The following BANK1 variants were observed in gnomAD, a reference collection of about 807,000 sequenced individuals.
BANK1 encodes B-cell scaffold protein with ankyrin repeats.
A neutral mutation model predicts 94.5 loss-of-function variants in BANK1; 95 were observed. The ratio of observed to expected loss-of-function variants is 1.00; its 90% confidence interval spans 0.85 to 1.19. The LOEUF (loss-of-function observed/expected upper bound fraction) is 1.19, where lower values mean the gene tolerates loss of function less well. Among genes scored for constraint, BANK1 ranks in the 50% most tolerant of loss-of-function variants. The pLI, the probability that BANK1 is intolerant of heterozygous loss-of-function variation, is 0.00. For synonymous variants in BANK1, 334 were observed against 308.4 expected (o/e 1.08, Z -0.87); for missense variants, 987 against 932.2 (o/e 1.06, Z -0.77).
intron 5 of BANK1, among the ~76,000 whole-genome samples, chr4:101,876,964 G>C (rs537426504): frequency 6.9e-4 from 105 of 151,958 alleles, no homozygotes; most frequent in African/African-American, 2.4e-3. Context: ...GAAAGAACTA[G>C]TGAGCTTGAA....
chr4:101,930,831 A>G (rs1386326429), intron 7 of BANK1, among the ~76,000 whole-genome samples: 2 of 151,498 alleles, frequency 1.3e-5, no homozygotes, highest in African/African-American at 2.4e-5. Flanking sequence ...TAGAAAAGGC[A>G]CACTTAACCA....
At chr4:101,932,635 T>C (rs1421625) in intron 7 of BANK1, among the ~76,000 whole-genome samples, 124,080 of 151,362 alleles carry the variant, frequency 0.82, 51,307 homozygotes, top group Non-Finnish European at 0.88. Context: ...ATATGCCATC[T>C]GCTAAATGTC....
At chr4:101,826,980 G>A (rs1726389762) in intron 1 of BANK1, among the ~76,000 whole-genome samples, 1 of 151,946 alleles carries the variant, frequency 6.6e-6, no homozygotes, top group South Asian at 2.1e-4. Context: ...CATCAGTGGT[G>A]TAGAAAATAC....
chr4:102,065,250 G>A (rs555014929), intron 13 of BANK1, among the ~76,000 whole-genome samples: 2 of 152,202 alleles, frequency 1.3e-5, no homozygotes, highest in African/African-American at 4.8e-5. Flanking sequence ...ATCTACTCTA[G>A]ACATGCCCTA....
At chr4:102,000,650 G>A (rs1445995029) in intron 7 of BANK1, among the ~76,000 whole-genome samples, 2 of 152,156 alleles carry the variant, frequency 1.3e-5, no homozygotes, top group African/African-American at 2.4e-5. Context: ...TACATGTGTT[G>A]CAATAATTCA....
chr4:101,881,789 G>C (rs568823193), intron 5 of BANK1, among the ~76,000 whole-genome samples: 1 of 151,992 alleles, frequency 6.6e-6, no homozygotes, highest in African/African-American at 2.4e-5. Context: ...ACTGGAGGAC[G>C]GTATGCTTAG....
chr4:101,829,729 A>T (rs977985845), intron 1 of BANK1, 79 bp from the exon 2 acceptor site: 18 of 885,260 alleles, frequency 2.0e-5, no homozygotes, highest in Admixed American at 3.3e-5. Flanking sequence ...CCTAGTGAGC[A>T]TATTAAAATT....
chr4:102,013,451 G>A (rs568594717), intron 7 of BANK1, among the ~76,000 whole-genome samples: 186 of 152,036 alleles, frequency 1.2e-3, no homozygotes, highest in African/African-American at 4.3e-3. Flanking sequence ...GAATTAAACC[G>A]CTTGTAGAAT....
chr4:101,917,694 A>T (rs1183420882), intron 6 of BANK1, among the ~76,000 whole-genome samples: 1 of 151,878 alleles, frequency 6.6e-6, no homozygotes, highest in Non-Finnish European at 1.5e-5. Flanking sequence ...GAGTTATTAC[A>T]GCATGTTTTT....
chr4:101,842,179 T>C (rs1304569883), intron 2 of BANK1, among the ~76,000 whole-genome samples: 1 of 152,212 alleles, frequency 6.6e-6, no homozygotes, highest in Non-Finnish European at 1.5e-5. Flanking sequence ...AGACCTATGG[T>C]CCAGAAGTGG....
intron 7 of BANK1, among the ~76,000 whole-genome samples, chr4:101,944,037 TGTGA>T (rs754311871): frequency 0.032 from 4,774 of 147,616 alleles, 83 homozygotes; most frequent in African/African-American, 0.053. Context: ...TGTGTGTGTG[TGTGA>T]GAGAGAGAGA....
intron 7 of BANK1, among the ~76,000 whole-genome samples, chr4:101,927,093 T>C (rs769320152): frequency 6.6e-6 from 1 of 151,730 alleles, no homozygotes; most frequent in Non-Finnish European, 1.5e-5. Flanking sequence ...TGCCGGAAAC[T>C]GGGTAATTTA....
chr4:101,932,965 T>C (rs921403025), intron 7 of BANK1, among the ~76,000 whole-genome samples: 9 of 151,624 alleles, frequency 5.9e-5, no homozygotes, highest in African/African-American at 2.2e-4. Context: ...ATTACTGTCT[T>C]TTCCCTGTGG....
chr4:101,827,097 AATAAT>A (rs1425969829), intron 1 of BANK1, among the ~76,000 whole-genome samples: 4 of 151,842 alleles, frequency 2.6e-5, no homozygotes, highest in East Asian at 1.9e-4. Context: ...TGTTTTGTAA[AATAAT>A]ATAAGTTTAT....
chr4:101,850,438 ATTT>A (rs33966973), intron 2 of BANK1, among the ~76,000 whole-genome samples: 8 of 143,498 alleles, frequency 5.6e-5, no homozygotes, highest in African/African-American at 1.5e-4. Flanking sequence ...CACCCAACTA[ATTT>A]TTTTTTTTTT....
intron 6 of BANK1, among the ~76,000 whole-genome samples, chr4:101,914,448 G>A (rs1297033382): frequency 1.3e-5 from 2 of 151,982 alleles, no homozygotes; most frequent in African/African-American, 4.8e-5. Context: ...TGCTGCAATG[G>A]GAAACCAATT....
At chr4:102,043,945 G>T in intron 11 of BANK1, 38 bp downstream of exon 11, 1 of 1,262,272 alleles carries the variant, frequency 7.9e-7, no homozygotes. Context: ...GTAATCTCTA[G>T]GTAAAATATC....
chr4:101,852,248 A>T (rs1035150966), intron 2 of BANK1, among the ~76,000 whole-genome samples: 3 of 151,780 alleles, frequency 2.0e-5, no homozygotes, highest in Admixed American at 6.6e-5. Flanking sequence ...GAAAATAGAT[A>T]CATGTTCTCA....
chr4:101,825,262 C>G lies in BANK1; in HGVS notation c.71-4546C>G, dbSNP rs140995159. Reference sequence around the variant, plus strand: ...TGTTTCATTGCAAAGCCTATAATGACAGTAACCCTCCTTAAATGGGGAGAA... The same window carrying G: ...TGTTTCATTGCAAAGCCTATAATGAGAGTAACCCTCCTTAAATGGGGAGAA... On this transcript the variant is annotated intron_variant, in intron 1 of 16. Transcript: ENST00000322953. Among the ~76,000 whole-genome samples, 320 of 152,184 alleles carry G rather than the reference C, an allele frequency of 2.1e-3. 2 individuals carry two copies. Among genetic ancestry groups the G allele is most frequent in the African/African-American group, 7.3e-3 (304 of 41,550 alleles).
Sources: gnomAD v4.1 joint callset for allele counts (sites outside exome capture counted in the v4.1 genomes callset) on GRCh38, gnomAD v4.1.1 for gene constraint, MANE v1.5 for transcripts, NCBI Gene and HGNC (gene_info 2026-07-23, HGNC 2026-07-21) for gene names.